SLC27A6: variants seen among roughly 807,000 people sequenced by gnomAD.
The protein encoded by SLC27A6 is long-chain fatty acid transport protein 6.
A neutral mutation model predicts 63.9 loss-of-function variants in SLC27A6; 74 were observed. That is an observed-to-expected ratio of 1.16 (90% confidence interval 0.96 to 1.40). The LOEUF (loss-of-function observed/expected upper bound fraction) is 1.40, where lower values mean the gene tolerates loss of function less well. Among genes scored for constraint, SLC27A6 ranks in the 40% most tolerant of loss-of-function variants. SLC27A6 has a pLI of 0.00. For missense variants in SLC27A6, 794 were observed against 732.9 expected (o/e 1.08, Z -0.96); for synonymous variants, 287 against 260.8 (o/e 1.10, Z -0.97).
In SLC27A6 at chr5:128,990,484, G is replaced by GA. The variant is rs78694062; in HGVS notation, c.969+27dup. 126,167 of 1,588,024 alleles carry GA rather than the reference G, an allele frequency of 0.079. 11,539 individuals are homozygous for GA. The highest frequency in any genetic ancestry group is 0.55 in the East Asian group (24,530 of 44,246). ...TCTAAGGTAGGCGTAATCATTATCA[G>GA]AAAAAAATATGTCAGAAAGAATAAG... is the stretch of plus-strand genomic sequence containing the variant. On this transcript the variant is annotated intron_variant, in intron 4 of 9. Coordinates refer to ENST00000262462, the MANE Select transcript of SLC27A6 (RefSeq NM_001017372.3).
intron 5 of SLC27A6, among the ~76,000 whole-genome samples, chr5:129,021,395 A>G (rs1052128148): frequency 6.6e-6 from 1 of 152,066 alleles, no homozygotes; most frequent in Non-Finnish European, 1.5e-5. Context: ...GAGTTTCCTC[A>G]TGTATTAATC....
chr5:128,987,079 A>G (rs1344942886), intron 2 of SLC27A6, among the ~76,000 whole-genome samples: 1 of 152,198 alleles, frequency 6.6e-6, no homozygotes, highest in Non-Finnish European at 1.5e-5. Context: ...TGAAAATACC[A>G]GGAAGAACAG....
chr5:128,967,286 T>C (rs1273345662), intron 1 of SLC27A6, among the ~76,000 whole-genome samples: 1 of 152,178 alleles, frequency 6.6e-6, no homozygotes, highest in Non-Finnish European at 1.5e-5. Context: ...GTATTTTCAC[T>C]GAACTGTAAA....
chr5:129,013,886 T>C (rs1751807461), intron 4 of SLC27A6, among the ~76,000 whole-genome samples: 1 of 152,174 alleles, frequency 6.6e-6, no homozygotes, highest in African/African-American at 2.4e-5. Context: ...TCTTTAATCA[T>C]CATATTTCAG....
At chr5:128,993,680 T>C (rs1222134869) in intron 4 of SLC27A6, among the ~76,000 whole-genome samples, 1 of 152,222 alleles carries the variant, frequency 6.6e-6, no homozygotes, top group African/African-American at 2.4e-5. Flanking sequence ...TTTCTTTAAA[T>C]TTTTTAAAGA....
intron 4 of SLC27A6, among the ~76,000 whole-genome samples, chr5:129,003,730 G>A (rs962222161): frequency 1.3e-5 from 2 of 152,006 alleles, no homozygotes; most frequent in African/African-American, 4.8e-5. Context: ...AGTTACTTGG[G>A]AGGCTGAGGC....
At chr5:128,995,881 A>G (rs915068048) in intron 4 of SLC27A6, among the ~76,000 whole-genome samples, 2 of 152,316 alleles carry the variant, frequency 1.3e-5, no homozygotes, top group East Asian at 3.9e-4. Context: ...CTTGAAGGAA[A>G]GCTAACAAGA....
chr5:129,008,653 T>A (rs1335984437), intron 4 of SLC27A6, among the ~76,000 whole-genome samples: 1 of 152,220 alleles, frequency 6.6e-6, no homozygotes, highest in African/African-American at 2.4e-5. Flanking sequence ...AAATCTGCCA[T>A]GCCCATAGGA....
chr5:129,025,673 T>G (rs1752217733), intron 6 of SLC27A6, among the ~76,000 whole-genome samples: 4 of 152,066 alleles, frequency 2.6e-5, no homozygotes, highest in Admixed American at 2.6e-4. Context: ...ATGATGGTGA[T>G]GATGATGATA....
At chr5:128,993,263 CA>C (rs1397238423) in intron 4 of SLC27A6, among the ~76,000 whole-genome samples, 7 of 152,092 alleles carry the variant, frequency 4.6e-5, no homozygotes, top group Admixed American at 4.6e-4. Context: ...TAAGCTCCCT[CA>C]AAAGTCCTTG....
chr5:128,988,574 T>G, intron 2 of SLC27A6, 26 bp from the exon 3 acceptor site: 1 of 1,601,820 alleles, frequency 6.2e-7, no homozygotes, highest in East Asian at 2.2e-5. Context: ...TGTATATATA[T>G]TTCCTGTTCT....
At chr5:129,030,315 A>G (rs939586244) in intron 9 of SLC27A6, among the ~76,000 whole-genome samples, 11 of 152,084 alleles carry the variant, frequency 7.2e-5, no homozygotes, top group Non-Finnish European at 1.6e-4. Flanking sequence ...CCATTCATGT[A>G]TTTAATATTT....
At chr5:128,974,463 C>G (rs1750305475) in intron 1 of SLC27A6, among the ~76,000 whole-genome samples, 1 of 152,140 alleles carries the variant, frequency 6.6e-6, no homozygotes, top group Admixed American at 6.5e-5. Context: ...TTTTGATTAA[C>G]AGATTTTGTA....
At chr5:129,013,057 T>G (rs956159901) in intron 4 of SLC27A6, among the ~76,000 whole-genome samples, 1 of 152,026 alleles carries the variant, frequency 6.6e-6, no homozygotes, top group Non-Finnish European at 1.5e-5. Context: ...TATTATTAGT[T>G]TTCAGTGATT....
intron 1 of SLC27A6, among the ~76,000 whole-genome samples, chr5:128,974,845 A>G (rs1750322447): frequency 6.6e-6 from 1 of 152,358 alleles, no homozygotes; most frequent in Non-Finnish European, 1.5e-5. Flanking sequence ...TCTGAGGATT[A>G]AATGACACAT....
chr5:129,016,432 G>A (rs1751900004), intron 5 of SLC27A6, among the ~76,000 whole-genome samples: 1 of 146,426 alleles, frequency 6.8e-6, no homozygotes, highest in Non-Finnish European at 1.5e-5. Flanking sequence ...GCACCTTGTG[G>A]TCTGCCAGCA....
At chr5:129,024,885 G>A (rs1390578797) in intron 6 of SLC27A6, among the ~76,000 whole-genome samples, 2 of 152,090 alleles carry the variant, frequency 1.3e-5, no homozygotes, top group Non-Finnish European at 2.9e-5. Context: ...AATAAAAAAT[G>A]CAAACTTTGT....
intron 4 of SLC27A6, among the ~76,000 whole-genome samples, chr5:129,003,976 A>G (rs992010392): frequency 7.9e-5 from 12 of 151,564 alleles, no homozygotes; most frequent in African/African-American, 2.9e-4. Context: ...TCAAAAAAAA[A>G]AAAAAAAAAA....
Position 129,015,958 on chromosome 5 carries a change from T to C in SLC27A6, c.1043T>C (p.Phe348Ser), listed in dbSNP as rs1385989933. Residue 348 changes from phenylalanine (F) to serine (S), a missense_variant, in exon 5 of 10, where the codon TTT (phenylalanine) becomes TCT (serine). Coordinates refer to ENST00000262462, the MANE Select transcript of SLC27A6 (RefSeq NM_001017372.3). Reference protein sequence around the residue: ...NGIRSDVWREFLDRFGNIKVC... With the variant: ...NGIRSDVWRESLDRFGNIKVC... ...ATACGGAGTGATGTATGGAGAGAAT[T>C]TTTAGACAGATTTGGAAATATAAAG... The C allele has an allele frequency of 6.2e-7, 1 of 1,608,972 alleles. No homozygotes were observed. Among genetic ancestry groups the C allele is most frequent in the Non-Finnish European group, 8.5e-7 (1 of 1,178,110 alleles).
Sources: allele counts gnomAD v4.1 joint callset (sites outside exome capture counted in the v4.1 genomes callset), GRCh38; gene constraint gnomAD v4.1.1; transcripts MANE v1.5; gene names NCBI Gene and HGNC (gene_info 2026-07-23, HGNC 2026-07-21).